ITPK1: variants seen among roughly 807,000 people sequenced by gnomAD.
ITPK1 encodes inositol-tetrakisphosphate 1-kinase.
A neutral mutation model predicts 45.3 loss-of-function variants in ITPK1; 21 were observed. The observed-to-expected ratio is 0.46, with a 90% confidence interval of 0.33 to 0.67. The LOEUF is 0.67. Ranked by LOEUF, ITPK1 falls within the 30% of genes least tolerant of loss-of-function variation. The probability of loss-of-function intolerance (pLI) is 0.02; values close to 1 mark genes in which losing one functional copy is unlikely to be tolerated. For missense variants in ITPK1, 474 were observed against 573.5 expected (o/e 0.83, Z 1.77); for synonymous variants, 258 against 253.6 (o/e 1.02, Z -0.16).
At chr14:93,066,127 C>T (rs1440598434) in intron 3 of ITPK1, 2 of 346,378 alleles carry the variant, frequency 5.8e-6, no homozygotes, top group Non-Finnish European at 1.2e-5. Flanking sequence ...CAAGCACAGA[C>T]CCTCGAGGCC....
At position 93,104,424 on chromosome 14, in the gene ITPK1, T is replaced by A. The variant is rs990049681; in HGVS notation, c.95+10645A>T. Among the ~76,000 whole-genome samples the A allele has an allele frequency of 4.0e-5, 6 of 151,170 alleles. No individual in the cohort carries two copies. In the East Asian group the frequency reaches 7.7e-4, roughly 20 times the overall value. On this transcript the variant is annotated intron_variant, in intron 2 of 10. Transcript: ENST00000267615. ...GTTGCAGTGAACAAAGATCACACCT[T>A]GCACTCCGGCCTGGGTGACAATAGC...
chr14:93,065,572 C>A (rs902472380), intron 3 of ITPK1, among the ~76,000 whole-genome samples: 1 of 152,218 alleles, frequency 6.6e-6, no homozygotes, highest in South Asian at 2.1e-4. Flanking sequence ...CTGTCCAGTT[C>A]TAAGTCCAGG....
chr14:92,945,300 G>A (rs1237747539), intron 10 of ITPK1, among the ~76,000 whole-genome samples: 1 of 152,224 alleles, frequency 6.6e-6, no homozygotes, highest in African/African-American at 2.4e-5. Flanking sequence ...TGCTGACTGC[G>A]CCTGCGCATG....
intron 3 of ITPK1, among the ~76,000 whole-genome samples, chr14:93,075,755 T>C (rs1402500251): frequency 1.3e-5 from 2 of 152,112 alleles, no homozygotes; most frequent in Non-Finnish European, 2.9e-5. Flanking sequence ...GGCCAGCACC[T>C]CCACTGCCCT....
At chr14:93,110,247 C>A (rs78726273) in intron 2 of ITPK1, among the ~76,000 whole-genome samples, 4,385 of 152,234 alleles carry the variant, frequency 0.029, 106 homozygotes, top group Admixed American at 0.083. Context: ...TGTTCATTTG[C>A]AAGGCTGGGT....
intron 4 of ITPK1, among the ~76,000 whole-genome samples, chr14:92,994,254 C>A (rs142002656): frequency 6.6e-6 from 1 of 152,230 alleles, no homozygotes; most frequent in African/African-American, 2.4e-5. Flanking sequence ...CAGGGCAGGC[C>A]GCCTGACTCC....
intron 3 of ITPK1, among the ~76,000 whole-genome samples, chr14:93,060,190 C>T (rs1366736210): frequency 2.0e-5 from 3 of 152,136 alleles, no homozygotes; most frequent in African/African-American, 7.2e-5. Flanking sequence ...TTACCTGCGG[C>T]CCAAGAAGCA....
chr14:93,052,438 C>T (rs1185314815), intron 3 of ITPK1, among the ~76,000 whole-genome samples: 1 of 152,218 alleles, frequency 6.6e-6, no homozygotes, highest in African/African-American at 2.4e-5. Flanking sequence ...CTCCCATAAT[C>T]CCAAGCTCTC....
chr14:92,939,978 T>G lies in ITPK1; in HGVS notation c.*1583A>C. On this transcript the variant is annotated 3_prime_UTR_variant, in exon 11 of 11. Coordinates refer to ENST00000267615, the MANE Select transcript of ITPK1 (RefSeq NM_014216.6). ...AGGAAAGGTGACGTACAGACATTAATCGGGGTTCAAAACTCAAGTCGTGTA... is the reference window on the plus strand; with the variant it reads ...AGGAAAGGTGACGTACAGACATTAAGCGGGGTTCAAAACTCAAGTCGTGTA... 1 of 985,878 alleles carries G rather than the reference T, an allele frequency of 1.0e-6. No homozygotes were observed. 61.1% of individuals were successfully genotyped at this position (985,878 alleles called of 1,614,324 possible).
At chr14:93,035,226 TGCACCAGG>T (rs1473147253) in intron 3 of ITPK1, among the ~76,000 whole-genome samples, 3 of 152,226 alleles carry the variant, frequency 2.0e-5, no homozygotes, top group Non-Finnish European at 4.4e-5. Flanking sequence ...GACTTCATGC[TGCACCAGG>T]GCAGCAGGGA....
intron 3 of ITPK1, among the ~76,000 whole-genome samples, chr14:93,075,717 T>C (rs979089733): frequency 1.3e-5 from 2 of 152,164 alleles, no homozygotes; most frequent in Non-Finnish European, 2.9e-5. Flanking sequence ...AGTGGGCTTT[T>C]TGAAAGCCCC....
At chr14:93,105,119 C>T (rs1892469783) in intron 2 of ITPK1, among the ~76,000 whole-genome samples, 1 of 152,192 alleles carries the variant, frequency 6.6e-6, no homozygotes, top group Admixed American at 6.5e-5. Flanking sequence ...GGGCTGACGA[C>T]CTGGTGCCCC....
At position 93,016,291 on chromosome 14, in the gene ITPK1, G is replaced by A. The variant is rs1391787195; in HGVS notation, c.246+385C>T. Among the ~76,000 whole-genome samples the A allele has an allele frequency of 1.3e-5, 2 of 152,170 alleles. No homozygotes were observed. Among genetic ancestry groups the A allele is most frequent in the African/African-American group, 2.4e-5 (1 of 41,438 alleles). ...GGCAGGACTCAGTTCAAAGGCCCTC[G>A]GGGGTCCCCTTTACCAAGTGCAGCA... On this transcript the variant is annotated intron_variant, in intron 4 of 10. Transcript: ENST00000267615. The surrounding 1 kb of genome is among the most constrained non-coding windows in gnomAD (Gnocchi z 5.0).
chr14:93,041,140 A>G (rs1889547195), intron 3 of ITPK1, among the ~76,000 whole-genome samples: 3 of 151,894 alleles, frequency 2.0e-5, no homozygotes, highest in African/African-American at 7.3e-5. Flanking sequence ...GTCCTCAACC[A>G]TTTACTCCTC....
chr14:92,986,936 G>A (rs940558014), intron 5 of ITPK1, among the ~76,000 whole-genome samples: 1 of 152,154 alleles, frequency 6.6e-6, no homozygotes, highest in Admixed American at 6.5e-5. Flanking sequence ...TGTTCTCATG[G>A]GGGTCACTGC....
intron 2 of ITPK1, among the ~76,000 whole-genome samples, chr14:93,079,600 T>C (rs564033867): frequency 2.0e-5 from 3 of 152,268 alleles, no homozygotes; most frequent in East Asian, 3.9e-4. Context: ...AGCGGAAAAC[T>C]GCATCCCCTC....
chr14:93,105,337 G>A (rs938364561), intron 2 of ITPK1, among the ~76,000 whole-genome samples: 9 of 152,134 alleles, frequency 5.9e-5, no homozygotes, highest in South Asian at 4.1e-4. Flanking sequence ...GCTTCCCCAC[G>A]CCTGACAGTT....
chr14:92,990,890 T>C (rs1225139915), intron 5 of ITPK1, among the ~76,000 whole-genome samples: 2 of 152,072 alleles, frequency 1.3e-5, no homozygotes, highest in East Asian at 3.9e-4. Flanking sequence ...GTCGTCTCCC[T>C]CCCACTGCTC....
rs1034794706 is a variant in ITPK1 at position 93,113,144 on chromosome 14, T to C, written c.95+1925A>G. Among the ~76,000 whole-genome samples the C allele has an allele frequency of 3.9e-5, 6 of 152,252 alleles. No individual in the cohort carries two copies. In the East Asian group the frequency reaches 7.7e-4, roughly 20 times the overall value. On this transcript the variant is annotated intron_variant, in intron 2 of 10. Coordinates refer to ENST00000267615, the MANE Select transcript of ITPK1 (RefSeq NM_014216.6). Reference sequence around the variant, plus strand: ...CGGGTTCTAGAATGGCCCTGATGACTTCTGCCTTCTTTGAAGCCAATATTT... The same window carrying C: ...CGGGTTCTAGAATGGCCCTGATGACCTCTGCCTTCTTTGAAGCCAATATTT...
Sources: allele counts gnomAD v4.1 joint callset (sites outside exome capture counted in the v4.1 genomes callset), GRCh38; gene constraint gnomAD v4.1.1; non-coding constraint Gnocchi (gnomAD v3.1); transcripts MANE v1.5; gene names NCBI Gene and HGNC (gene_info 2026-07-23, HGNC 2026-07-21).